The following MED4 variants were observed in gnomAD, a reference collection of about 807,000 sequenced individuals.
The protein encoded by MED4 is mediator complex subunit 4, also known as mediator of RNA polymerase II transcription subunit 4.
MED4 carries 21 observed loss-of-function variants against 35.0 expected under a neutral mutation model. The observed-to-expected ratio is 0.60, with a 90% CI of 0.43 to 0.86. The LOEUF (loss-of-function observed/expected upper bound fraction) is 0.86, where lower values mean the gene tolerates loss of function less well. MED4 is among the 40% of genes least tolerant of loss of function. The probability of loss-of-function intolerance (pLI) is 0.00; values close to 1 mark genes in which losing one functional copy is unlikely to be tolerated. For synonymous variants in MED4, 138 were observed against 114.0 expected (o/e 1.21, Z -1.34); for missense variants, 300 against 319.4 (o/e 0.94, Z 0.46).
At chr13:48,094,825 A>C (rs1950916523) in intron 1 of MED4, 129 bp downstream of exon 1, 1 of 1,360,614 alleles carries the variant, frequency 7.3e-7, no homozygotes, top group African/African-American at 1.5e-5. Flanking sequence ...CATGACCCTC[A>C]TGCACCCGAA....
At chr13:48,090,288 C>G in intron 2 of MED4, 64 bp downstream of exon 2, 1 of 1,287,024 alleles carries the variant, frequency 7.8e-7, no homozygotes, top group Non-Finnish European at 1.1e-6. Context: ...TTGCAGAAAT[C>G]AAGTTTTTTT....
rs41287447 is a variant in MED4, at chr13:48,083,389, T to C, written c.403A>G (p.Ile135Val). ...VYQAKEKLKS[I>V]EKARKGAISS... Reference sequence around the variant, plus strand: ...TACTAACCTTTTCTTGCTTTTTCTATTGACTTGAGTTTCTCCTTCGCTTGG... The same window carrying C: ...TACTAACCTTTTCTTGCTTTTTCTACTGACTTGAGTTTCTCCTTCGCTTGG... Residue 135 changes from isoleucine to valine, a missense_variant, in exon 4 of 7, where the codon ATA becomes GTA. Physicochemically the swap from Ile to Val is conservative, Grantham distance 29. Transcript: ENST00000258648. 57 of 1,613,148 alleles carry C rather than the reference T, an allele frequency of 3.5e-5. No individual in the cohort carries two copies. Among genetic ancestry groups the C allele is most frequent in the African/African-American group, 5.3e-5 (4 of 75,032 alleles).
chr13:48,079,817 T>G (rs529873978), intron 6 of MED4, 27 bp downstream of exon 6: 23 of 1,608,964 alleles, frequency 1.4e-5, no homozygotes, highest in Non-Finnish European at 1.9e-5. Flanking sequence ...CTGATCTGTT[T>G]GAAAACACTC....
At chr13:48,086,547 A>G (rs2296572) in intron 2 of MED4, 95 bp from the exon 3 acceptor site, 18,685 of 1,051,568 alleles carry the variant, frequency 0.018, 616 homozygotes, top group East Asian at 0.089. Flanking sequence ...GCTAGGCTAT[A>G]AATTTCAACA....
intron 6 of MED4, 27 bp downstream of exon 6, chr13:48,079,817 T>C: frequency 6.2e-7 from 1 of 1,609,086 alleles, no homozygotes. Flanking sequence ...CTGATCTGTT[T>C]GAAAACACTC....
In MED4 at chr13:48,095,099, C is replaced by G. The variant is rs770346174; in HGVS notation, c.-21G>C. On this transcript the variant is annotated 5_prime_UTR_variant, in exon 1 of 7. Transcript: ENST00000258648. ...GCCATTTTCCCCAGAGTCCCGCCAC[C>G]GGCGCACGCGCAGAGCGAGCTGACG... 2 of 1,600,590 alleles carry G rather than the reference C, an allele frequency of 1.2e-6. No individual in the cohort carries two copies. Among genetic ancestry groups the G allele is most frequent in the Non-Finnish European group, 1.7e-6 (2 of 1,179,552 alleles).
intron 3 of MED4, among the ~76,000 whole-genome samples, chr13:48,084,265 C>CAAAAAAAA (rs71099664): frequency 1.8e-5 from 2 of 109,974 alleles, no homozygotes; most frequent in African/African-American, 7.2e-5. Flanking sequence ...GACTCTGTCT[C>CAAAAAAAA]AAAAAAAAAA....
At chr13:48,084,573 A>C (rs1045451129) in intron 3 of MED4, among the ~76,000 whole-genome samples, 2 of 152,234 alleles carry the variant, frequency 1.3e-5, no homozygotes, top group Non-Finnish European at 2.9e-5. Flanking sequence ...AAAATCAAAC[A>C]AAGTGGATAC....
chr13:48,077,896 A>G (rs947798948), intron 6 of MED4, among the ~76,000 whole-genome samples: 4 of 152,130 alleles, frequency 2.6e-5, no homozygotes, highest in Non-Finnish European at 5.9e-5. Flanking sequence ...TTTTTCCTGT[A>G]TCTATGTATC....
chr13:48,086,838 TCA>T (rs1287213684), intron 2 of MED4, among the ~76,000 whole-genome samples: 3 of 151,896 alleles, frequency 2.0e-5, no homozygotes, highest in African/African-American at 7.3e-5. Flanking sequence ...TCACTTGAGG[TCA>T]CGAGTTCTAG....
At chr13:48,086,253 A>T in intron 3 of MED4, 29 bp downstream of exon 3, 1 of 1,599,096 alleles carries the variant, frequency 6.3e-7, no homozygotes, top group Admixed American at 1.8e-5. Context: ...ATCCTTTTTA[A>T]CCTTAAGAAC....
rs753878931 is a variant in MED4 at position 48,079,890 on chromosome 13, C to A, written c.594G>T (p.Val198=). ...GQMNNPSTNG[V]NGHLPGDALA... ...GTGCATCTCCTGGTAAATGGCCATT[C>A]ACGCCATTAGTGGAAGGATTGTTCA... Residue 198 remains valine, a synonymous_variant, in exon 6 of 7, where the codon GTG becomes GTT. Coordinates refer to ENST00000258648, the MANE Select transcript of MED4 (RefSeq NM_014166.4). The A allele has an allele frequency of 1.9e-6, 3 of 1,613,936 alleles. No individual in the cohort carries two copies. Among genetic ancestry groups the A allele is most frequent in the Non-Finnish European group, 2.5e-6 (3 of 1,179,860 alleles).
rs1676339362 is a variant in MED4, at chr13:48,093,443, T to C, written c.125+1511A>G. The C allele has an allele frequency of 4.3e-5, 13 of 302,776 alleles. No individual in the cohort carries two copies. The Middle Eastern group carries it at 5.0e-3, about 117-fold the overall frequency. 18.8% of individuals were successfully genotyped at this position (302,776 alleles called of 1,614,324 possible). On this transcript the variant is annotated intron_variant, in intron 1 of 6. Coordinates refer to ENST00000258648, the MANE Select transcript of MED4 (RefSeq NM_014166.4). Reference sequence around the variant, plus strand: ...AGGCTAAATCTAAAAATATGTAAGGTATATTCGTGATTTTTCTTCTCATTT... The same window carrying C: ...AGGCTAAATCTAAAAATATGTAAGGCATATTCGTGATTTTTCTTCTCATTT...
intron 4 of MED4, among the ~76,000 whole-genome samples, 174 bp downstream of exon 4, chr13:48,083,197 T>G (rs948672214): frequency 6.6e-6 from 1 of 152,238 alleles, no homozygotes; most frequent in Non-Finnish European, 1.5e-5. Context: ...GATGTGATAC[T>G]TCTACCTCCC....
At chr13:48,081,575 T>C (rs1014307971) in intron 5 of MED4, 70 bp downstream of exon 5, 8 of 1,000,418 alleles carry the variant, frequency 8.0e-6, no homozygotes, top group East Asian at 7.7e-5. Context: ...ATTAAATCTA[T>C]GTCTGTACAT....
intron 1 of MED4, among the ~76,000 whole-genome samples, chr13:48,091,222 T>G (rs12427769): frequency 6.6e-6 from 1 of 152,198 alleles, no homozygotes; most frequent in Non-Finnish European, 1.5e-5. Flanking sequence ...CATAATAAAA[T>G]GATATCCTTT....
chr13:48,095,023 C>T lies in MED4; in HGVS notation c.56G>A (p.Gly19Glu), dbSNP rs555675219. Residue 19 changes from glycine (G) to glutamate (E), a missense_variant, in exon 1 of 7, where the codon GGA becomes GAA. Coordinates refer to ENST00000258648, the MANE Select transcript of MED4 (RefSeq NM_014166.4). The stretch of plus-strand genomic sequence containing the variant: ...TCGTGTGCTGTTACCACCCGCCACT[C>T]CCAAACCGCCTCCCAGCCGCTCCTT... ...KEKERLGGGLGVAGGNSTRER... is the reference protein window; with the variant it reads ...KEKERLGGGLEVAGGNSTRER... 2 of 1,606,438 alleles carry T rather than the reference C, an allele frequency of 1.2e-6. No individual in the cohort carries two copies. Among genetic ancestry groups the T allele is most frequent in the African/African-American group, 2.7e-5 (2 of 75,058 alleles).
intron 2 of MED4, among the ~76,000 whole-genome samples, chr13:48,089,428 T>C (rs1950874661): frequency 6.6e-6 from 1 of 152,164 alleles, no homozygotes; most frequent in Non-Finnish European, 1.5e-5. Context: ...TCTCCATTCA[T>C]TTTCTCTTAA....
chr13:48,078,324 T>C (rs1201682198), intron 6 of MED4, among the ~76,000 whole-genome samples: 1 of 152,204 alleles, frequency 6.6e-6, no homozygotes, highest in East Asian at 1.9e-4. Context: ...GTTTTGTCAG[T>C]AGAGGGCACA....
Sources: gnomAD v4.1 joint callset for allele counts (sites outside exome capture counted in the v4.1 genomes callset) on GRCh38, gnomAD v4.1.1 for gene constraint, MANE v1.5 for transcripts, NCBI Gene and HGNC (gene_info 2026-07-23, HGNC 2026-07-21) for gene names.